The following ZNF704 variants were observed in gnomAD, a reference collection of about 807,000 sequenced individuals.
ZNF704 encodes glucocorticoid induced gene 1.
A neutral mutation model predicts 44.7 loss-of-function variants in ZNF704; 10 were observed. That is an observed-to-expected ratio of 0.22 (90% CI 0.14 to 0.38). The LOEUF (loss-of-function observed/expected upper bound fraction) is 0.38. Among genes scored for constraint, ZNF704 ranks in the 10% least tolerant of loss-of-function variants. The pLI is 1.00. For synonymous variants in ZNF704, 211 were observed against 207.6 expected (o/e 1.02, Z -0.14); for missense variants, 390 against 545.5 (o/e 0.71, Z 2.84).
intron 2 of ZNF704, among the ~76,000 whole-genome samples, chr8:80,782,915 ATGG>A (rs1210747482): frequency 2.6e-5 from 4 of 152,108 alleles, no homozygotes; most frequent in Non-Finnish European, 5.9e-5. Flanking sequence ...ACCCGCCCAT[ATGG>A]AGTGCCGACT....
chr8:80,637,290 A>AT lies in ZNF704; in HGVS notation c.*4075dup, dbSNP rs1817678444. ...CCTAGTTTCAGGAGTCTCCAGACCT[A>AT]TTTTTGCATGCCCTTTATTTTTCCC... On this transcript the variant is annotated 3_prime_UTR_variant, in exon 9 of 9. Coordinates refer to ENST00000327835, the MANE Select transcript of ZNF704 (RefSeq NM_001033723.3). 2 of 152,180 alleles carry AT rather than the reference A, an allele frequency of 1.3e-5. No homozygotes were observed. Among genetic ancestry groups the AT allele is most frequent in the South Asian group, 4.1e-4 (2 of 4,834 alleles). 9.4% of individuals were successfully genotyped at this position (152,180 alleles called of 1,614,324 possible).
At chr8:80,882,808 G>A in the ZNF704 span, among the ~76,000 whole-genome samples, 1 of 152,088 alleles carries the variant, frequency 6.6e-6, no homozygotes. Context: ...CTACAGTGAT[G>A]TGCTATTGCT....
chr8:80,870,698 C>G (rs1470628918), intron 1 of ZNF704, among the ~76,000 whole-genome samples: 1 of 152,070 alleles, frequency 6.6e-6, no homozygotes, highest in Non-Finnish European at 1.5e-5. Flanking sequence ...TAGTGCTGTG[C>G]CCCAGAATCA....
At chr8:80,882,355 T>C in the ZNF704 span, among the ~76,000 whole-genome samples, 1 of 152,344 alleles carries the variant, frequency 6.6e-6, no homozygotes, top group Non-Finnish European at 1.5e-5. Context: ...TTTTAATTTA[T>C]GTCTTTGATC....
intron 7 of ZNF704, among the ~76,000 whole-genome samples, chr8:80,649,759 G>A (rs1585921837): frequency 1.3e-5 from 2 of 152,338 alleles, no homozygotes; most frequent in East Asian, 3.9e-4. Flanking sequence ...CAAACAAAAG[G>A]CAGCAGAAAA....
At chr8:80,670,014 G>T (rs2131615056) in intron 5 of ZNF704, among the ~76,000 whole-genome samples, 1 of 152,304 alleles carries the variant, frequency 6.6e-6, no homozygotes, top group South Asian at 2.1e-4. Flanking sequence ...ACTCTTTTTA[G>T]GCTATATATG....
At chr8:80,852,829 T>C (rs538347267) in intron 1 of ZNF704, among the ~76,000 whole-genome samples, 56 of 152,266 alleles carry the variant, frequency 3.7e-4, no homozygotes, top group African/African-American at 1.0e-3. Flanking sequence ...TAGAAAGAAA[T>C]AATAATATTT....
At chr8:80,764,681 C>A (rs909498060) in intron 2 of ZNF704, among the ~76,000 whole-genome samples, 4 of 152,170 alleles carry the variant, frequency 2.6e-5, no homozygotes, top group African/African-American at 9.7e-5. Context: ...TGCTGTCCAA[C>A]TGAAAGTTTG....
chr8:80,870,933 G>A (rs1420872719), intron 1 of ZNF704, among the ~76,000 whole-genome samples: 2 of 151,976 alleles, frequency 1.3e-5, no homozygotes, highest in Non-Finnish European at 2.9e-5. Context: ...TTGTTCTCTC[G>A]GTTTTCCTAA....
At chr8:80,720,797 T>C (rs748493744) in intron 2 of ZNF704, among the ~76,000 whole-genome samples, 6 of 152,190 alleles carry the variant, frequency 3.9e-5, no homozygotes, top group Non-Finnish European at 8.8e-5. Context: ...CTACAGCCAC[T>C]TGGAAGCTTA....
chr8:80,646,528 T>C (rs778429433), intron 7 of ZNF704, among the ~76,000 whole-genome samples: 13 of 151,882 alleles, frequency 8.6e-5, no homozygotes, highest in Non-Finnish European at 1.3e-4. Context: ...TTTGGAACCA[T>C]TGTTGCCATG....
chr8:80,692,895 G>T, intron 3 of ZNF704, 109 bp downstream of exon 3: 1 of 952,324 alleles, frequency 1.1e-6, no homozygotes, highest in South Asian at 1.5e-5. Context: ...TCCTGCTAAT[G>T]GGTGAGGGTC....
In ZNF704 at chr8:80,754,351, A is replaced by G. The variant is rs182880781; in HGVS notation, c.222-61244T>C. ...GTCACCTCTAACTAGTCCAACAAATATAGAAAAGGAAAGAACAAAAATATC... is the reference window on the plus strand; with the variant it reads ...GTCACCTCTAACTAGTCCAACAAATGTAGAAAAGGAAAGAACAAAAATATC... On this transcript the variant is annotated intron_variant, in intron 2 of 8. Coordinates refer to ENST00000327835, the MANE Select transcript of ZNF704 (RefSeq NM_001033723.3). Among the ~76,000 whole-genome samples, 641 of 152,268 alleles carry G rather than the reference A, an allele frequency of 4.2e-3. 2 individuals carry two copies. Among genetic ancestry groups the G allele is most frequent in the Non-Finnish European group, 6.8e-3 (464 of 68,022 alleles).
chr8:80,672,892 T>C (rs1292918672), intron 4 of ZNF704, among the ~76,000 whole-genome samples: 3 of 151,916 alleles, frequency 2.0e-5, no homozygotes, highest in South Asian at 2.1e-4. Flanking sequence ...CGAACCTGCA[T>C]AGGTACCCTG....
In ZNF704 at chr8:80,641,223, T is replaced by C; in HGVS notation, c.*143A>G. 2.0e-6 allele frequency: 1 copy of C among 489,494 alleles called. No individual in the cohort carries two copies. Among genetic ancestry groups the C allele is most frequent in the East Asian group, 3.2e-5 (1 of 31,568 alleles). The allele number at this position is 489,494 out of a possible 1,614,324, so 30.3% of individuals were successfully genotyped here. A position where few individuals can be genotyped will look rare whatever the true frequency, so the allele number is the denominator to read the frequency against. On this transcript the variant is annotated 3_prime_UTR_variant, in exon 9 of 9. Coordinates refer to ENST00000327835, the MANE Select transcript of ZNF704 (RefSeq NM_001033723.3). ...TTAAACAATTTTTCTGTGTTTTTGCTGTTATTCCTCCAAGGTTCCTGAAAG... is the reference window on the plus strand; with the variant it reads ...TTAAACAATTTTTCTGTGTTTTTGCCGTTATTCCTCCAAGGTTCCTGAAAG...
intron 7 of ZNF704, among the ~76,000 whole-genome samples, chr8:80,650,341 G>A (rs1156819880): frequency 6.6e-6 from 1 of 152,204 alleles, no homozygotes; most frequent in Non-Finnish European, 1.5e-5. Flanking sequence ...GTTGAGAGAA[G>A]AAGGCTTCAG....
intron 4 of ZNF704, among the ~76,000 whole-genome samples, chr8:80,676,632 G>A (rs1307313736): frequency 6.6e-6 from 1 of 152,228 alleles, no homozygotes; most frequent in Non-Finnish European, 1.5e-5. Context: ...TATGAAGTTT[G>A]AGGATACTTG....
intron 2 of ZNF704, among the ~76,000 whole-genome samples, chr8:80,715,364 C>G (rs1819056603): frequency 2.6e-5 from 4 of 151,786 alleles, no homozygotes; most frequent in Admixed American, 2.6e-4. Context: ...CAACAGGGGG[C>G]TCCACAAGCC....
intron 7 of ZNF704, chr8:80,658,850 A>C (rs895876256): frequency 1.3e-5 from 2 of 152,176 alleles, no homozygotes; most frequent in African/African-American, 4.8e-5. Flanking sequence ...ACGGGTGGAG[A>C]AGAGAAAATA....
Sources: gnomAD v4.1 joint callset for allele counts (sites outside exome capture counted in the v4.1 genomes callset) on GRCh38, gnomAD v4.1.1 for gene constraint, MANE v1.5 for transcripts, NCBI Gene and HGNC (gene_info 2026-07-23, HGNC 2026-07-21) for gene names.